The following PLEKHG3 variants were observed in gnomAD, a reference collection of about 807,000 sequenced individuals.
PLEKHG3 encodes the protein pleckstrin homology and RhoGEF domain containing G3.
Under a neutral mutation model 94.9 loss-of-function variants are expected in PLEKHG3, and 62 were observed. The observed-to-expected ratio is 0.65, with a 90% CI of 0.53 to 0.81. The LOEUF is 0.81. PLEKHG3 is among the 30% of genes least tolerant of loss of function. The pLI is 0.00. For missense variants in PLEKHG3, 1,461 were observed against 1,619.3 expected (o/e 0.90, Z 1.68); for synonymous variants, 614 against 654.0 (o/e 0.94, Z 0.93).
chr14:64,707,700 AT>A (rs1306399736), intron 1 of PLEKHG3, among the ~76,000 whole-genome samples: 2 of 152,232 alleles, frequency 1.3e-5, no homozygotes, highest in Non-Finnish European at 2.9e-5. Context: ...TGAAGGCGGT[AT>A]TTTTCTTCAT....
chr14:64,711,513 A>T (rs187524093), intron 1 of PLEKHG3, among the ~76,000 whole-genome samples: 1 of 150,780 alleles, frequency 6.6e-6, no homozygotes, highest in Non-Finnish European at 1.5e-5. Flanking sequence ...TCCCGTGTTC[A>T]TGCCATTCTC....
In PLEKHG3 at chr14:64,732,327, A is replaced by G; in HGVS notation, c.1213-100A>G. ...CAGCAGATGCCCCGGGCCTTGGTGC[A>G]GCACTGTGGGGTGTCCTCGTACAGC... On this transcript the variant is annotated intron_variant, in intron 10 of 16. Transcript: ENST00000247226. This position sits in a 1 kb window ranked among gnomAD's most constrained non-coding sequence, Gnocchi z 4.9. 7.8e-7 allele frequency: 1 copy of G among 1,275,694 alleles called. No individual in the cohort carries two copies. Among genetic ancestry groups the G allele is most frequent in the African/African-American group, 1.5e-5 (1 of 68,532 alleles). 79.0% of individuals were successfully genotyped at this position (1,275,694 alleles called of 1,614,324 possible).
chr14:64,731,458 A>G lies in PLEKHG3; in HGVS notation c.947A>G (p.Asn316Ser), dbSNP rs1162646565. The G allele has an allele frequency of 4.3e-6, 7 of 1,613,988 alleles. No homozygotes were observed. The highest frequency in any genetic ancestry group is 2.7e-5 in the African/African-American group (2 of 74,918). ...EGTFRVHRVR[N>S]ERTFFLFDKT... ...ACATTCCGCGTGCATCGCGTGCGCA[A>G]TGAAAGGACCTTTTTCCTCTTTGAC... Residue 316 changes from asparagine to serine, a missense_variant, in exon 8 of 17, where the codon AAT (asparagine) becomes AGT (serine). Physicochemically the swap from Asn to Ser is conservative, Grantham distance 46. Coordinates refer to ENST00000247226, the MANE Select transcript of PLEKHG3 (RefSeq NM_001308147.2). This position sits in a 1 kb window ranked among gnomAD's most constrained non-coding sequence, Gnocchi z 6.1.
Position 64,749,379 on chromosome 14 carries a change from AG to A in PLEKHG3, c.*5679del, listed in dbSNP as rs1445270410. Reference sequence around the variant, plus strand: ...GCCGAGGCTGGCGTCGGGGCCGGAGAGGGAAGGCAGGGGCAGGCTCTGCGCC... The same window carrying A: ...GCCGAGGCTGGCGTCGGGGCCGGAGAGGAAGGCAGGGGCAGGCTCTGCGCC... On this transcript the variant is annotated 3_prime_UTR_variant, in exon 17 of 17. Transcript: ENST00000247226. The surrounding 1 kb of genome is among the most constrained non-coding windows in gnomAD (Gnocchi z 4.7). 6.2e-7 allele frequency: 1 copy of A among 1,610,090 alleles called. No individual in the cohort carries two copies. The highest frequency in any genetic ancestry group is 1.1e-5 in the South Asian group (1 of 91,014).
chr14:64,749,339 C>T lies in PLEKHG3; in HGVS notation c.*5636C>T. The T allele has an allele frequency of 1.2e-6, 2 of 1,609,786 alleles. No homozygotes were observed. The highest frequency in any genetic ancestry group is 1.7e-6 in the Non-Finnish European group (2 of 1,179,288). ...TTTTGGGGAAGAAGCTGAATCTCTT[C>T]TCCTTGTCTTTCTTGCCGAGGCTGG... On this transcript the variant is annotated 3_prime_UTR_variant, in exon 17 of 17. Coordinates refer to ENST00000247226, the MANE Select transcript of PLEKHG3 (RefSeq NM_001308147.2). This position sits in a 1 kb window ranked among gnomAD's most constrained non-coding sequence, Gnocchi z 4.7.
intron 1 of PLEKHG3, among the ~76,000 whole-genome samples, chr14:64,711,418 GTTT>G (rs71444671): frequency 2.1e-5 from 3 of 142,516 alleles, no homozygotes; most frequent in African/African-American, 5.1e-5. Flanking sequence ...CTTTTTTTTT[GTTT>G]TTTTTTTTTT....
intron 1 of PLEKHG3, among the ~76,000 whole-genome samples, chr14:64,709,820 G>T (rs1178498360): frequency 6.6e-6 from 1 of 151,322 alleles, no homozygotes; most frequent in Non-Finnish European, 1.5e-5. Context: ...TCAGTTCATT[G>T]CTACATCCCC....
chr14:64,743,069 A>G lies in PLEKHG3; in HGVS notation c.3026A>G (p.Glu1009Gly), dbSNP rs757429978. Residue 1009 changes from glutamate to glycine, a missense_variant, in exon 17 of 17, where the codon GAG (glutamate) becomes GGG (glycine). This residue lies in a region of PLEKHG3 where 1,201 missense variants were observed against 1,295.5 expected (regional missense o/e 0.93). Coordinates refer to ENST00000247226, the MANE Select transcript of PLEKHG3 (RefSeq NM_001308147.2). The surrounding 1 kb of genome is among the most constrained non-coding windows in gnomAD (Gnocchi z 7.2). ...CCTCCCAAGCCCTCCTCGGCTGGGG[A>G]GATGTCACCACAGCGTTTCTTCTTC... ...HSPPKPSSAGEMSPQRFFFNP... is the reference protein window; with the variant it reads ...HSPPKPSSAGGMSPQRFFFNP... 6.2e-7 allele frequency: 1 copy of G among 1,613,122 alleles called. No homozygotes were observed. The highest frequency in any genetic ancestry group is 1.3e-5 in the African/African-American group (1 of 75,018).
Position 64,746,496 on chromosome 14 carries a change from C to T in PLEKHG3, c.*2793C>T, listed in dbSNP as rs1279003959. 6.5e-6 allele frequency: 1 copy of T among 152,764 alleles called. No individual in the cohort carries two copies. The highest frequency in any genetic ancestry group is 1.5e-5 in the Non-Finnish European group (1 of 68,138). The allele number at this position is 152,764 out of a possible 1,614,324, so 9.5% of individuals were successfully genotyped here. A position where few individuals can be genotyped will look rare whatever the true frequency, so the allele number is the denominator to read the frequency against. ...TCCAAGCCACCAAGCCATGTGGTCC[C>T]GCTGGCTTCATCCTCCTCTGGATTC... On this transcript the variant is annotated 3_prime_UTR_variant, in exon 17 of 17. Coordinates refer to ENST00000247226, the MANE Select transcript of PLEKHG3 (RefSeq NM_001308147.2). The surrounding 1 kb of genome is among the most constrained non-coding windows in gnomAD (Gnocchi z 4.9).
At position 64,749,357 on chromosome 14, in the gene PLEKHG3, G is replaced by T; in HGVS notation, c.*5654G>T. 6.2e-7 allele frequency: 1 copy of T among 1,610,692 alleles called. No homozygotes were observed. ...ATCTCTTCTCCTTGTCTTTCTTGCC[G>T]AGGCTGGCGTCGGGGCCGGAGAGGG... On this transcript the variant is annotated 3_prime_UTR_variant, in exon 17 of 17. Coordinates refer to ENST00000247226, the MANE Select transcript of PLEKHG3 (RefSeq NM_001308147.2). The surrounding 1 kb of genome is among the most constrained non-coding windows in gnomAD (Gnocchi z 4.7).
Position 64,749,362 on chromosome 14 carries a change from T to A in PLEKHG3, c.*5659T>A. 6.2e-7 allele frequency: 1 copy of A among 1,610,708 alleles called. No individual in the cohort carries two copies. Among genetic ancestry groups the A allele is most frequent in the Non-Finnish European group, 8.5e-7 (1 of 1,179,678 alleles). ...TTCTCCTTGTCTTTCTTGCCGAGGC[T>A]GGCGTCGGGGCCGGAGAGGGAAGGC... is the stretch of plus-strand genomic sequence containing the variant. On this transcript the variant is annotated 3_prime_UTR_variant, in exon 17 of 17. Transcript: ENST00000247226. The surrounding 1 kb of genome is among the most constrained non-coding windows in gnomAD (Gnocchi z 4.7).
At position 64,716,435 on chromosome 14, in the gene PLEKHG3, TACACACAC is replaced by T. The variant is rs61468622; in HGVS notation, c.-39-11134_-39-11127del. 1.4e-4 allele frequency among the ~76,000 whole-genome samples: 15 copies of T among 105,318 alleles called. No homozygotes were observed. The highest frequency in any genetic ancestry group is 1.1e-3 in the East Asian group (4 of 3,574). 69.1% of individuals were successfully genotyped at this position (105,318 alleles called of 152,430 possible). A position where few individuals can be genotyped will look rare whatever the true frequency, so the allele number is the denominator to read the frequency against. On this transcript the variant is annotated intron_variant, in intron 1 of 16. Transcript: ENST00000247226. The surrounding 1 kb of genome is among the most constrained non-coding windows in gnomAD (Gnocchi z 5.0). ...GGTTAGAGAAGGTCATGTAGGGCCC[TACACACAC>T]ACACACACACACACACACACACAAC...
rs2081615721 is a variant in PLEKHG3, at chr14:64,738,272, T to C, written c.1405-470T>C. 1 of 1,193,012 alleles carries C rather than the reference T, an allele frequency of 8.4e-7. No homozygotes were observed. Among genetic ancestry groups the C allele is most frequent in the African/African-American group, 1.6e-5 (1 of 64,022 alleles). The allele number at this position is 1,193,012 out of a possible 1,614,324, so 73.9% of individuals were successfully genotyped here. A position where few individuals can be genotyped will look rare whatever the true frequency, so the allele number is the denominator to read the frequency against. On this transcript the variant is annotated intron_variant, in intron 14 of 16. Coordinates refer to ENST00000247226, the MANE Select transcript of PLEKHG3 (RefSeq NM_001308147.2). The surrounding 1 kb of genome is among the most constrained non-coding windows in gnomAD (Gnocchi z 4.8). The stretch of plus-strand genomic sequence containing the variant: ...CCTCCTCCTTGCATGCTCCCTGGGA[T>C]GTGCATGCCCACCCGAGGGCCCCCT...
At position 64,728,761 on chromosome 14, in the gene PLEKHG3, TC is replaced by T. The variant is rs1306547285; in HGVS notation, c.352-233del. Reference sequence around the variant, plus strand: ...CACTGGATTTGGGGCCCACCCTAAATCCTATCTGAAGTCATCTTGAGATCCT... The same window carrying T: ...CACTGGATTTGGGGCCCACCCTAAATCTATCTGAAGTCATCTTGAGATCCT... On this transcript the variant is annotated intron_variant, in intron 2 of 16. Transcript: ENST00000247226. This position sits in a 1 kb window ranked among gnomAD's most constrained non-coding sequence, Gnocchi z 5.9. 1.3e-5 allele frequency among the ~76,000 whole-genome samples: 2 copies of T among 152,184 alleles called. No individual in the cohort carries two copies. Among genetic ancestry groups the T allele is most frequent in the Non-Finnish European group, 2.9e-5 (2 of 68,032 alleles).
intron 1 of PLEKHG3, among the ~76,000 whole-genome samples, chr14:64,714,458 C>G (rs929311873): frequency 6.6e-5 from 10 of 152,202 alleles, no homozygotes; most frequent in Admixed American, 5.9e-4. Flanking sequence ...TTTCCCTCCT[C>G]TATCTTTTTC....
chr14:64,708,374 A>C (rs2081008188), intron 1 of PLEKHG3, among the ~76,000 whole-genome samples: 1 of 152,100 alleles, frequency 6.6e-6, no homozygotes, highest in Admixed American at 6.5e-5. Context: ...TCCGGCAGGT[A>C]AATTATGCCT....
rs2081118685 is a variant in PLEKHG3, at chr14:64,715,107, T to C, written c.-40+10403T>C. Among the ~76,000 whole-genome samples the C allele has an allele frequency of 6.6e-6, 1 of 152,210 alleles. No individual in the cohort carries two copies. Among genetic ancestry groups the C allele is most frequent in the Non-Finnish European group, 1.5e-5 (1 of 68,034 alleles). On this transcript the variant is annotated intron_variant, in intron 1 of 16. Transcript: ENST00000247226. The surrounding 1 kb of genome is among the most constrained non-coding windows in gnomAD (Gnocchi z 4.4). ...GGGTTGTCTACTGCTGGTTACGTAC[T>C]GTTTTTGGAGGCATCTACAGGTGAG...
chr14:64,716,691 T>C lies in PLEKHG3; in HGVS notation c.-39-10902T>C, dbSNP rs972930061. Among the ~76,000 whole-genome samples the C allele has an allele frequency of 2.6e-5, 4 of 152,116 alleles. No homozygotes were observed. Among genetic ancestry groups the C allele is most frequent in the African/African-American group, 9.7e-5 (4 of 41,434 alleles). On this transcript the variant is annotated intron_variant, in intron 1 of 16. Coordinates refer to ENST00000247226, the MANE Select transcript of PLEKHG3 (RefSeq NM_001308147.2). This position sits in a 1 kb window ranked among gnomAD's most constrained non-coding sequence, Gnocchi z 5.0. ...TTCCCCTGCCCTGTCTCCTCCCTGG[T>C]GGGCAGCGGACCCCGACCCTGGCAC...
rs2081143416 is a variant in PLEKHG3, at chr14:64,716,288, T to C, written c.-39-11305T>C. Among the ~76,000 whole-genome samples the C allele has an allele frequency of 6.6e-6, 1 of 152,078 alleles. No homozygotes were observed. Among genetic ancestry groups the C allele is most frequent in the African/African-American group, 2.4e-5 (1 of 41,390 alleles). ...AAGGGAGCAGGCATAGGTGAGCTGC[T>C]CTTCTTAGTGGACTGTCATGTGTCT... On this transcript the variant is annotated intron_variant, in intron 1 of 16. Coordinates refer to ENST00000247226, the MANE Select transcript of PLEKHG3 (RefSeq NM_001308147.2). This position sits in a 1 kb window ranked among gnomAD's most constrained non-coding sequence, Gnocchi z 5.0.
Sources: gnomAD v4.1 joint callset for allele counts (sites outside exome capture counted in the v4.1 genomes callset) on GRCh38, gnomAD v4.1.1 for gene constraint, gnomAD v4.1.1 regional missense constraint, Gnocchi (gnomAD v3.1) non-coding constraint, MANE v1.5 for transcripts, NCBI Gene and HGNC (gene_info 2026-07-23, HGNC 2026-07-21) for gene names.